RNF4: variants seen among roughly 807,000 people sequenced by gnomAD.
RNF4 encodes E3 ubiquitin-protein ligase RNF4.
Under a neutral mutation model 24.3 loss-of-function variants are expected in RNF4, and 7 were observed. The observed-to-expected ratio is 0.29, with a 90% CI of 0.16 to 0.54. The LOEUF (loss-of-function observed/expected upper bound fraction) is 0.54. Ranked by LOEUF, RNF4 falls within the 20% of genes least tolerant of loss-of-function variation. The pLI is 0.95. For missense variants in RNF4, 209 were observed against 248.5 expected (o/e 0.84, Z 1.07); for synonymous variants, 83 against 84.3 (o/e 0.98, Z 0.09).
At chr4:2,474,369 G>A (rs1297191802) in intron 1 of RNF4, among the ~76,000 whole-genome samples, 2 of 138,460 alleles carry the variant, frequency 1.4e-5, no homozygotes, top group Non-Finnish European at 3.1e-5. Context: ...TTGACAGAAC[G>A]AGACTCTGTC....
intron 1 of RNF4, among the ~76,000 whole-genome samples, chr4:2,475,298 T>TG (rs1465894796): frequency 2.6e-5 from 4 of 152,198 alleles, no homozygotes; most frequent in African/African-American, 9.7e-5. Context: ...CCCAAGTAGC[T>TG]GGGGCTACAG....
chr4:2,487,593 T>G (rs1194953098), intron 1 of RNF4, among the ~76,000 whole-genome samples: 1 of 152,144 alleles, frequency 6.6e-6, no homozygotes. Context: ...CTCATTATTT[T>G]AATTTTTTTA....
At chr4:2,505,899 G>C (rs1417556772) in intron 4 of RNF4, 1 of 151,484 alleles carries the variant, frequency 6.6e-6, no homozygotes, top group Non-Finnish European at 1.5e-5. Flanking sequence ...ACAGGATTTT[G>C]CCATGTTGTC....
Position 2,514,240 on chromosome 4 carries a change from G to T in RNF4, c.*421G>T. ...GCCACACATTGACCAAGCCAGACCC[G>T]GTTCACCCAGCTCGAGGATCCCAGG... is the stretch of plus-strand genomic sequence containing the variant. On this transcript the variant is annotated 3_prime_UTR_variant, in exon 8 of 8. Coordinates refer to ENST00000314289, the MANE Select transcript of RNF4 (RefSeq NM_002938.5). 1 of 192,356 alleles carries T rather than the reference G, an allele frequency of 5.2e-6. No homozygotes were observed. Among genetic ancestry groups the T allele is most frequent in the South Asian group, 1.1e-4 (1 of 9,340 alleles). 11.9% of individuals were successfully genotyped at this position (192,356 alleles called of 1,614,324 possible).
At chr4:2,475,402 G>A (rs1006526458) in intron 1 of RNF4, among the ~76,000 whole-genome samples, 1 of 152,086 alleles carries the variant, frequency 6.6e-6, no homozygotes, top group Non-Finnish European at 1.5e-5. Flanking sequence ...GCAGTGGCGC[G>A]ATCTCGGCTC....
rs370296465 is a variant in RNF4, at chr4:2,513,076, C to T, written c.375-7C>T. On this transcript the variant is annotated splice_polypyrimidine_tract_variant and splice_region_variant and intron_variant, in intron 6 of 7. Coordinates refer to ENST00000314289, the MANE Select transcript of RNF4 (RefSeq NM_002938.5). ...TGAGAAACTAACGTGAAGCACTGTGCTCTTAGGCCCTCAGGTACTGTCAGT... is the reference window on the plus strand; with the variant it reads ...TGAGAAACTAACGTGAAGCACTGTGTTCTTAGGCCCTCAGGTACTGTCAGT... 3.7e-6 allele frequency: 6 copies of T among 1,613,656 alleles called. No homozygotes were observed. Among genetic ancestry groups the T allele is most frequent in the Non-Finnish European group, 5.1e-6 (6 of 1,179,560 alleles).
At chr4:2,498,812 G>A (rs767545779) in intron 3 of RNF4, among the ~76,000 whole-genome samples, 2 of 152,104 alleles carry the variant, frequency 1.3e-5, no homozygotes, top group African/African-American at 4.8e-5. Context: ...GATCACTTGA[G>A]CCTGGAACAT....
At chr4:2,497,200 G>A (rs1735764255) in intron 3 of RNF4, 79 bp downstream of exon 3, 4 of 1,031,016 alleles carry the variant, frequency 3.9e-6, no homozygotes, top group Non-Finnish European at 5.7e-6. Context: ...CTAGTAGAAG[G>A]TGCTTTCAGT....
intron 1 of RNF4, among the ~76,000 whole-genome samples, chr4:2,473,414 T>G (rs546873001): frequency 6.6e-6 from 1 of 151,892 alleles, no homozygotes; most frequent in East Asian, 1.9e-4. Context: ...AACAAGAACT[T>G]GGAAAAAGTT....
At chr4:2,483,768 C>T (rs1735312355) in intron 1 of RNF4, among the ~76,000 whole-genome samples, 1 of 152,072 alleles carries the variant, frequency 6.6e-6, no homozygotes, top group African/African-American at 2.4e-5. Context: ...CACACCACTG[C>T]ACTCCAGCCT....
At chr4:2,496,007 A>G (rs552475103) in intron 2 of RNF4, among the ~76,000 whole-genome samples, 59 of 152,358 alleles carry the variant, frequency 3.9e-4, no homozygotes, top group Non-Finnish European at 7.8e-4. Flanking sequence ...ATGCTGGAGC[A>G]TATTGGCAAA....
At chr4:2,484,552 G>T (rs548884867) in intron 1 of RNF4, among the ~76,000 whole-genome samples, 3 of 151,860 alleles carry the variant, frequency 2.0e-5, no homozygotes, top group Admixed American at 6.6e-5. Flanking sequence ...TGTACGTCAA[G>T]GAGCATCTGC....
At chr4:2,470,047 G>C (rs1734853271) in intron 1 of RNF4, 1 of 152,252 alleles carries the variant, frequency 6.6e-6, no homozygotes, top group East Asian at 1.9e-4. Flanking sequence ...GTTTTGGTAG[G>C]GATTTCAGCT....
intron 1 of RNF4, chr4:2,470,965 T>G (rs1734887449): frequency 1.5e-5 from 2 of 129,730 alleles, no homozygotes; most frequent in African/African-American, 6.3e-5. Context: ...TTTCACACTT[T>G]TTTTTTTTTT....
rs756128666 is a variant in RNF4, at chr4:2,513,797, G to A, written c.551G>A (p.Arg184Gln). The A allele has an allele frequency of 9.9e-6, 16 of 1,613,880 alleles. No homozygotes were observed. The highest frequency in any genetic ancestry group is 1.7e-5 in the Admixed American group (1 of 60,018). Residue 184 changes from arginine (R) to glutamine (Q), a missense_variant, in exon 8 of 8, where the codon CGG becomes CAG. By Grantham distance (43) the Arg-to-Gln change is conservative. This residue lies in a region of RNF4 where 17 missense variants were observed against 16.2 expected (regional missense o/e 1.05). Transcript: ENST00000314289. ...TGTAGGAAAAAGATCAACCACAAAC[G>A]GTACCACCCCATTTATATATGAAGT... is the stretch of plus-strand genomic sequence containing the variant. ...PTCRKKINHK[R>Q]YHPIYI
intron 2 of RNF4, 121 bp from the exon 3 acceptor site, chr4:2,496,886 A>G (rs923655108): frequency 1.7e-5 from 11 of 649,994 alleles, no homozygotes; most frequent in African/African-American, 1.5e-4. Flanking sequence ...AAGGAGCCCT[A>G]ACTTCAAGTC....
At chr4:2,479,272 G>C (rs1484207115) in intron 1 of RNF4, among the ~76,000 whole-genome samples, 1 of 152,198 alleles carries the variant, frequency 6.6e-6, no homozygotes, top group Admixed American at 6.5e-5. Flanking sequence ...CCTTGTCTCG[G>C]ATGAGACTTT....
intron 1 of RNF4, among the ~76,000 whole-genome samples, chr4:2,483,828 G>T (rs1337911755): frequency 1.3e-5 from 2 of 151,808 alleles, no homozygotes; most frequent in Non-Finnish European, 2.9e-5. Context: ...TGTTTTTATT[G>T]ATTTTTATTT....
intron 1 of RNF4, among the ~76,000 whole-genome samples, chr4:2,485,476 G>A (rs576946683): frequency 6.6e-6 from 1 of 151,978 alleles, no homozygotes; most frequent in South Asian, 2.1e-4. Context: ...TTTCTCCCTG[G>A]GTGTCTCACA....
Sources: allele counts gnomAD v4.1 joint callset (sites outside exome capture counted in the v4.1 genomes callset), GRCh38; gene constraint gnomAD v4.1.1; regional missense constraint gnomAD v4.1.1; transcripts MANE v1.5; gene names NCBI Gene and HGNC (gene_info 2026-07-23, HGNC 2026-07-21).